The following SBF2 variants were observed in gnomAD, a reference collection of about 807,000 sequenced individuals.
The protein encoded by SBF2 is myotubularin-related protein 13.
Under a neutral mutation model 225.2 loss-of-function variants are expected in SBF2, and 112 were observed. That is an observed-to-expected ratio of 0.50 (90% CI 0.43 to 0.58). The LOEUF (loss-of-function observed/expected upper bound fraction) is 0.58. Among genes scored for constraint, SBF2 ranks in the 20% least tolerant of loss-of-function variants. The pLI, the probability that SBF2 is intolerant of heterozygous loss-of-function variation, is 0.00. For synonymous variants in SBF2, 763 were observed against 773.3 expected (o/e 0.99, Z 0.22); for missense variants, 1,996 against 2,206.2 (o/e 0.90, Z 1.91).
intron 2 of SBF2, among the ~76,000 whole-genome samples, chr11:10,181,323 A>C (rs1368844339): frequency 6.6e-6 from 1 of 152,058 alleles, no homozygotes; most frequent in African/African-American, 2.4e-5. Context: ...TGAGATTTCA[A>C]TTTCTAATTT....
chr11:10,052,541 T>C (rs1816732850), intron 2 of SBF2, among the ~76,000 whole-genome samples: 1 of 152,210 alleles, frequency 6.6e-6, no homozygotes, highest in South Asian at 2.1e-4. Flanking sequence ...TTTGCAAGGC[T>C]GGAATTGTTA....
chr11:10,157,678 T>A (rs1591089083), intron 2 of SBF2, among the ~76,000 whole-genome samples: 1 of 152,316 alleles, frequency 6.6e-6, no homozygotes, highest in African/African-American at 2.4e-5. Context: ...TTTCATTATA[T>A]ATTACAATGT....
chr11:10,025,684 C>T (rs1393254814), intron 6 of SBF2, among the ~76,000 whole-genome samples: 1 of 152,152 alleles, frequency 6.6e-6, no homozygotes, highest in Admixed American at 6.5e-5. Flanking sequence ...ACTGCAACCT[C>T]CTCCTCCCGG....
intron 1 of SBF2, among the ~76,000 whole-genome samples, chr11:10,279,743 G>A (rs1382404286): frequency 3.3e-5 from 5 of 152,094 alleles, no homozygotes; most frequent in Non-Finnish European, 5.9e-5. Flanking sequence ...TCCACCTCCC[G>A]GGTTCAAGTG....
chr11:10,199,509 AAAAC>A (rs147750401), intron 1 of SBF2, among the ~76,000 whole-genome samples: 6 of 152,214 alleles, frequency 3.9e-5, no homozygotes, highest in East Asian at 1.9e-4. Flanking sequence ...TCAATTTGTT[AAAAC>A]AAACAAACAA....
intron 6 of SBF2, among the ~76,000 whole-genome samples, chr11:10,022,574 C>T (rs1304991213): frequency 6.6e-6 from 1 of 151,928 alleles, no homozygotes; most frequent in Non-Finnish European, 1.5e-5. Flanking sequence ...AAAGTAAAAG[C>T]CCCTGGAAGC....
intron 17 of SBF2, among the ~76,000 whole-genome samples, chr11:9,878,897 C>T (rs939918955): frequency 1.3e-5 from 2 of 152,166 alleles, no homozygotes; most frequent in African/African-American, 4.8e-5. Flanking sequence ...TTCATCTCCC[C>T]AACACTTAAA....
intron 9 of SBF2, among the ~76,000 whole-genome samples, chr11:9,995,561 G>T (rs1947654151): frequency 1.3e-5 from 2 of 152,026 alleles, no homozygotes; most frequent in African/African-American, 2.4e-5. Context: ...ATATACTTGT[G>T]TGTCAATGCT....
intron 16 of SBF2, among the ~76,000 whole-genome samples, chr11:9,908,753 G>A (rs574134671): frequency 1.1e-4 from 16 of 152,020 alleles, no homozygotes; most frequent in Non-Finnish European, 2.1e-4. Flanking sequence ...GCTGAAGTGC[G>A]GTGGTGTGAT....
chr11:10,022,186 G>C (rs959464541), intron 6 of SBF2, among the ~76,000 whole-genome samples: 1 of 152,094 alleles, frequency 6.6e-6, no homozygotes, highest in African/African-American at 2.4e-5. Context: ...GCCAGATATA[G>C]AGTACACAAG....
chr11:10,128,576 A>G (rs997202638), intron 2 of SBF2, among the ~76,000 whole-genome samples: 6 of 152,214 alleles, frequency 3.9e-5, no homozygotes, highest in African/African-American at 1.4e-4. Context: ...AACATATGCT[A>G]GATAAAGAAA....
intron 2 of SBF2, among the ~76,000 whole-genome samples, chr11:10,060,565 A>G (rs1401120871): frequency 6.6e-6 from 1 of 152,220 alleles, no homozygotes; most frequent in Non-Finnish European, 1.5e-5. Flanking sequence ...TAAACTTGGC[A>G]GAGACACAAC....
intron 16 of SBF2, among the ~76,000 whole-genome samples, chr11:9,916,629 GCT>G (rs1284164490): frequency 7.7e-6 from 1 of 130,210 alleles, no homozygotes; most frequent in Non-Finnish European, 1.6e-5. Context: ...ACAGGGTCTT[GCT>G]CTGTTGCCCA....
At chr11:10,189,267 A>C (rs1957065317) in intron 2 of SBF2, among the ~76,000 whole-genome samples, 1 of 152,148 alleles carries the variant, frequency 6.6e-6, no homozygotes, top group African/African-American at 2.4e-5. Context: ...AACATCCCAT[A>C]ACTCCTGCCT....
chr11:9,798,856 G>A lies in SBF2; in HGVS notation c.4444-2899C>T, dbSNP rs192910967. On this transcript the variant is annotated intron_variant, in intron 32 of 39. Coordinates refer to ENST00000256190, the MANE Select transcript of SBF2 (RefSeq NM_030962.4). The stretch of plus-strand genomic sequence containing the variant: ...AGTCCCAGCTACTCGGGAGGCTGAG[G>A]CAAGAGAATGGCATGAAACTGGGAG... Among the ~76,000 whole-genome samples, 962 of 150,834 alleles carry A rather than the reference G, an allele frequency of 6.4e-3. 9 individuals are homozygous for A. Among genetic ancestry groups the A allele is most frequent in the African/African-American group, 0.022 (914 of 41,152 alleles).
chr11:10,210,928 G>A (rs534587075), intron 1 of SBF2, among the ~76,000 whole-genome samples: 14 of 145,124 alleles, frequency 9.6e-5, no homozygotes, highest in South Asian at 4.4e-4. Flanking sequence ...CAGGAGAATC[G>A]TTTGAACCCA....
chr11:10,186,067 C>G (rs890897294), intron 2 of SBF2, among the ~76,000 whole-genome samples: 6 of 152,138 alleles, frequency 3.9e-5, no homozygotes, highest in African/African-American at 1.2e-4. Flanking sequence ...ATCTTCCAGG[C>G]TATTTGTTAC....
intron 13 of SBF2, among the ~76,000 whole-genome samples, chr11:9,969,395 C>T (rs1237194203): frequency 2.0e-5 from 3 of 152,168 alleles, no homozygotes; most frequent in African/African-American, 7.2e-5. Context: ...ATCACATAAC[C>T]GTTCTGTTCA....
chr11:10,237,416 C>T (rs889325386), intron 1 of SBF2, among the ~76,000 whole-genome samples: 2 of 149,898 alleles, frequency 1.3e-5, no homozygotes, highest in African/African-American at 4.9e-5. Flanking sequence ...ATACCTGATG[C>T]TTGGAGACCA....
Sources: gnomAD v4.1 joint callset for allele counts (sites outside exome capture counted in the v4.1 genomes callset) on GRCh38, gnomAD v4.1.1 for gene constraint, MANE v1.5 for transcripts, NCBI Gene and HGNC (gene_info 2026-07-23, HGNC 2026-07-21) for gene names.